Variants in RPN1 observed in about 807,000 individuals in gnomAD.
RPN1 encodes dolichyl-diphosphooligosaccharide--protein glycosyltransferase subunit 1.
In RPN1, 12 loss-of-function variants were observed where a neutral mutation model predicts 55.5. The observed-to-expected ratio is 0.22, with a 90% CI of 0.14 to 0.35. The LOEUF is 0.35. Ranked by LOEUF, RPN1 falls within the 10% of genes least tolerant of loss-of-function variation. The pLI is 1.00. For missense variants in RPN1, 679 were observed against 761.3 expected (o/e 0.89, Z 1.27); for synonymous variants, 317 against 305.9 (o/e 1.04, Z -0.38).
intron 1 of RPN1, among the ~76,000 whole-genome samples, chr3:128,650,226 G>A (rs1024282942): frequency 6.6e-6 from 1 of 152,212 alleles, no homozygotes; most frequent in East Asian, 1.9e-4. Context: ...ACAGGGGCAA[G>A]CTCCGAGGCT....
chr3:128,626,768 A>G lies in RPN1; in HGVS notation c.1101T>C (p.Ser367=). 6.2e-7 allele frequency: 1 copy of G among 1,614,186 alleles called. No homozygotes were observed. The highest frequency in any genetic ancestry group is 2.2e-5 in the East Asian group (1 of 44,876). The change falls in exon 6 of 10, where the codon TCT becomes TCC. Residue 367 remains serine, a synonymous_variant. Coordinates refer to ENST00000296255, the MANE Select transcript of RPN1 (RefSeq NM_002950.4). The stretch of plus-strand genomic sequence containing the variant: ...CAGGCAGGATGATCTTCACAGTCAG[A>G]GAATCTATCACTTGTTCATCAAACA... ...DHVFDEQVID[S]LTVKIILPEG...
At chr3:128,634,552 T>G (rs990003141) in intron 3 of RPN1, among the ~76,000 whole-genome samples, 2 of 149,362 alleles carry the variant, frequency 1.3e-5, no homozygotes, top group Admixed American at 6.8e-5. Context: ...TGCCAAATGG[T>G]CTCCATAAAC....
rs1191765386 is a variant in RPN1 at position 128,638,037 on chromosome 3, T to C, written c.395A>G (p.Glu132Gly). 2 of 1,613,990 alleles carry C rather than the reference T, an allele frequency of 1.2e-6. No individual in the cohort carries two copies. The highest frequency in any genetic ancestry group is 2.7e-5 in the African/African-American group (2 of 74,918). Residue 132 changes from glutamate to glycine, a missense_variant, in exon 3 of 10, where the codon GAA becomes GGA. By Grantham distance (98) the Glu-to-Gly change is moderately conservative. This residue lies in a region of RPN1 where 352 missense variants were observed against 352.8 expected (regional missense o/e 1.00). Transcript: ENST00000296255. ...ATGAAGCACATGGGTGTAGACTGTT[T>C]CCACAATGACTGAAATCTTGGCCCC... ...DPGAKISVIV[E>G]TVYTHVLHPY...
intron 2 of RPN1, among the ~76,000 whole-genome samples, chr3:128,639,035 T>C (rs1284677160): frequency 6.6e-6 from 1 of 152,120 alleles, no homozygotes; most frequent in Non-Finnish European, 1.5e-5. Context: ...CTTCACACAA[T>C]AGAATATTGG....
Position 128,650,695 on chromosome 3 carries a change from C to T in RPN1, c.106G>A (p.Val36Met). The T allele has an allele frequency of 6.4e-7, 1 of 1,571,428 alleles. No individual in the cohort carries two copies. Among genetic ancestry groups the T allele is most frequent in the African/African-American group, 1.3e-5 (1 of 74,252 alleles). ...CTGCTTAGGTCCACTGTGCGCTTCA[C>T]GTCCTCATTGATCAGCGGCGGTGCC... ...SEAPPLINED[V>M]KRTVDLSSHL... is the part of the protein sequence containing the mutation. Residue 36 changes from valine to methionine, a missense_variant, in exon 1 of 10, where the codon GTG becomes ATG. Physicochemically the swap from Val to Met is conservative, Grantham distance 21. Transcript: ENST00000296255.
intron 9 of RPN1, among the ~76,000 whole-genome samples, chr3:128,621,528 G>A (rs2069559497): frequency 2.0e-5 from 3 of 152,190 alleles, no homozygotes; most frequent in South Asian, 4.1e-4. Context: ...TAGGTGCTAT[G>A]AGGAAATTCA....
chr3:128,641,644 GCTTTTGTTGC>G (rs2069726432), intron 2 of RPN1, among the ~76,000 whole-genome samples: 1 of 54,910 alleles, frequency 1.8e-5, no homozygotes, highest in African/African-American at 7.6e-5. Context: ...ACGGAGTTTT[GCTTTTGTTGC>G]CCAGGCTGGC....
intron 2 of RPN1, among the ~76,000 whole-genome samples, chr3:128,642,117 G>T (rs1206649466): frequency 6.6e-6 from 1 of 152,126 alleles, no homozygotes; most frequent in East Asian, 1.9e-4. Context: ...CACAGACAGG[G>T]TACTCAGACA....
In RPN1 at chr3:128,625,563, A is replaced by G; in HGVS notation, c.1366T>C (p.Tyr456His). ...FYILFFTVII[Y>H]VRLDFSITKD... is the part of the protein sequence containing the mutation. ...GTGATGGAGAAGTCCAGCCGAACAT[A>G]GATGATAACGGTGAAGAACAGGATG... The change falls in exon 8 of 10, where the codon TAT becomes CAT. Residue 456 changes from tyrosine to histidine, a missense_variant. Tyr to His is a moderately conservative substitution (Grantham distance 83). Around this residue, in one of 3 missense-constraint regions of RPN1, gnomAD observed 306 missense variants for 360.0 expected, o/e 0.85. Coordinates refer to ENST00000296255, the MANE Select transcript of RPN1 (RefSeq NM_002950.4). 1 of 1,614,138 alleles carries G rather than the reference A, an allele frequency of 6.2e-7. No individual in the cohort carries two copies. The highest frequency in any genetic ancestry group is 8.5e-7 in the Non-Finnish European group (1 of 1,180,030).
chr3:128,633,653 CT>C (rs1329821435), intron 3 of RPN1, among the ~76,000 whole-genome samples: 2 of 152,068 alleles, frequency 1.3e-5, no homozygotes, highest in Non-Finnish European at 2.9e-5. Flanking sequence ...AACTGTTTAA[CT>C]ATAGAAACTT....
intron 4 of RPN1, among the ~76,000 whole-genome samples, chr3:128,630,688 T>A (rs747445061): frequency 6.6e-6 from 1 of 152,202 alleles, no homozygotes; most frequent in Non-Finnish European, 1.5e-5. Context: ...AAAAACTGTA[T>A]ATGCAATATG....
chr3:128,649,994 G>A (rs779039016), intron 1 of RPN1, among the ~76,000 whole-genome samples: 17 of 152,238 alleles, frequency 1.1e-4, no homozygotes, highest in Non-Finnish European at 2.4e-4. Flanking sequence ...GGTTCTCTAT[G>A]TCTAGAAAGA....
At position 128,625,961 on chromosome 3, in the gene RPN1, C is replaced by T. The variant is rs1297384945; in HGVS notation, c.1188G>A (p.Leu396=). ...CAAATGTGTCCAGATAGGTGTAGTG[C>T]AGCTCATCTGGGGCACGGCTGATTT... is the stretch of plus-strand genomic sequence containing the variant. ...PYEISRAPDE[L]HYTYLDTFGR... The change falls in exon 7 of 10, where the codon CTG becomes CTA. Residue 396 remains leucine, a synonymous_variant. Coordinates refer to ENST00000296255, the MANE Select transcript of RPN1 (RefSeq NM_002950.4). 1.2e-6 allele frequency: 2 copies of T among 1,612,764 alleles called. No individual in the cohort carries two copies. The highest frequency in any genetic ancestry group is 1.7e-6 in the Non-Finnish European group (2 of 1,179,326).
intron 3 of RPN1, among the ~76,000 whole-genome samples, chr3:128,635,191 C>T (rs931032455): frequency 2.0e-5 from 3 of 152,118 alleles, no homozygotes; most frequent in Admixed American, 1.3e-4. Context: ...AGTATGTTTA[C>T]TACAAATCCT....
chr3:128,630,533 T>G (rs55683935), intron 4 of RPN1, among the ~76,000 whole-genome samples: 3,765 of 152,306 alleles, frequency 0.025, 68 homozygotes, highest in Non-Finnish European at 0.036. Context: ...CTACCTGATA[T>G]ACTTTATTGT....
chr3:128,646,772 GAGAGCAGC>G (rs2069771776), intron 1 of RPN1, among the ~76,000 whole-genome samples: 1 of 151,736 alleles, frequency 6.6e-6, no homozygotes, highest in African/African-American at 2.4e-5. Flanking sequence ...TCAGGAGTTT[GAGAGCAGC>G]TGGCCAACAT....
intron 8 of RPN1, 83 bp downstream of exon 8, chr3:128,625,451 G>C: frequency 6.2e-7 from 1 of 1,603,682 alleles, no homozygotes; most frequent in Non-Finnish European, 8.5e-7. Flanking sequence ...CCTGCCCTGG[G>C]CTCACTGTGA....
At chr3:128,638,508 G>A (rs1039033354) in intron 2 of RPN1, among the ~76,000 whole-genome samples, 1 of 151,732 alleles carries the variant, frequency 6.6e-6, no homozygotes. Context: ...GAGACAGAGT[G>A]TTGCTCTGTC....
At position 128,638,032 on chromosome 3, in the gene RPN1, C is replaced by CT; in HGVS notation, c.399dup (p.Val134SerfsTer24). On this transcript the variant is annotated frameshift_variant, in exon 3 of 10. Coordinates refer to ENST00000296255, the MANE Select transcript of RPN1 (RefSeq NM_002950.4). LOFTEE classifies it high-confidence loss of function. ...TACGGATGAAGCACATGGGTGTAGA[C>CT]TGTTTCCACAATGACTGAAATCTTG... The CT allele has an allele frequency of 6.2e-7, 1 of 1,614,086 alleles. No homozygotes were observed. The highest frequency in any genetic ancestry group is 8.5e-7 in the Non-Finnish European group (1 of 1,179,968).
Sources: gnomAD v4.1 joint callset for allele counts (sites outside exome capture counted in the v4.1 genomes callset) on GRCh38, gnomAD v4.1.1 for gene constraint, gnomAD v4.1.1 regional missense constraint, MANE v1.5 for transcripts, NCBI Gene and HGNC (gene_info 2026-07-23, HGNC 2026-07-21) for gene names.